The following PCDHA3 variants were observed in gnomAD, a reference collection of about 807,000 sequenced individuals.
The protein encoded by PCDHA3 is protocadherin alpha 3.
Under a neutral mutation model 62.2 loss-of-function variants are expected in PCDHA3, and 41 were observed. That is an observed-to-expected ratio of 0.66 (90% CI 0.51 to 0.86). PCDHA3 has a LOEUF of 0.86. PCDHA3 is among the 40% of genes least tolerant of loss of function. PCDHA3 has a pLI of 0.00. For missense variants in PCDHA3, 1,304 were observed against 1,241.2 expected (o/e 1.05, Z -0.76); for synonymous variants, 640 against 555.4 (o/e 1.15, Z -2.14).
chr5:140,841,165 C>A (rs1343151176), intron 1 of PCDHA3: 4 of 935,830 alleles, frequency 4.3e-6, no homozygotes, highest in Admixed American at 2.9e-5. Context: ...CCAAGAAGTT[C>A]TGGTTGGTCA....
At chr5:140,877,498 C>G in intron 1 of PCDHA3, 1 of 1,613,844 alleles carries the variant, frequency 6.2e-7, no homozygotes, top group Non-Finnish European at 8.5e-7. Context: ...CGGCCAGGCC[C>G]CAAAGACGTC....
chr5:140,881,319 T>C lies in PCDHA3; in HGVS notation c.2394+77728T>C, dbSNP rs183772489. Reference sequence around the variant, plus strand: ...AAACTTTAACCTCCTGGTTAAATTCTATTTAACCAGGACGCCGATTCGGGC... The same window carrying C: ...AAACTTTAACCTCCTGGTTAAATTCCATTTAACCAGGACGCCGATTCGGGC... On this transcript the variant is annotated intron_variant, in intron 1 of 3. Transcript: ENST00000522353. 1.0e-4 allele frequency: 101 copies of C among 979,186 alleles called. No individual in the cohort carries two copies. The African/African-American group carries it at 1.7e-3, about 17-fold the overall frequency. 60.7% of individuals were successfully genotyped at this position (979,186 alleles called of 1,614,324 possible).
chr5:140,883,119 C>T, intron 1 of PCDHA3: 1 of 1,613,998 alleles, frequency 6.2e-7, no homozygotes, highest in Non-Finnish European at 8.5e-7. Context: ...TTTAGAAGGC[C>T]TGTATGGCCT....
intron 1 of PCDHA3, among the ~76,000 whole-genome samples, chr5:140,900,333 C>T (rs10071692): frequency 3.3e-5 from 5 of 151,856 alleles, no homozygotes; most frequent in Admixed American, 6.6e-5. Flanking sequence ...GCTGGAGTAC[C>T]GTGGCGCAAT....
At chr5:140,824,487 C>T in intron 1 of PCDHA3, 1 of 356,814 alleles carries the variant, frequency 2.8e-6, no homozygotes, top group Non-Finnish European at 5.1e-6. Flanking sequence ...TTTTTAGAGA[C>T]CCTTTGTTGC....
chr5:140,803,368 C>G lies in PCDHA3; in HGVS notation c.2171C>G (p.Ser724Cys). ...CTGCTATATACTGCTCTGCGGTGCTCCGCGCCGCCAACCGAAGGCGACTGT... is the reference window on the plus strand; with the variant it reads ...CTGCTATATACTGCTCTGCGGTGCTGCGCGCCGCCAACCGAAGGCGACTGT... ...TLLLYTALRC[S>C]APPTEGDCGP... Residue 724 changes from serine to cysteine, a missense_variant, in exon 1 of 4, where the codon TCC becomes TGC. Ser to Cys is a moderately radical substitution (Grantham distance 112). Transcript: ENST00000522353. 6.2e-7 allele frequency: 1 copy of G among 1,614,196 alleles called. No homozygotes were observed. The highest frequency in any genetic ancestry group is 8.5e-7 in the Non-Finnish European group (1 of 1,180,020).
At chr5:140,882,749 G>C (rs1393099675) in intron 1 of PCDHA3, 1 of 1,614,126 alleles carries the variant, frequency 6.2e-7, no homozygotes, top group Non-Finnish European at 8.5e-7. Flanking sequence ...ATCCGATGCA[G>C]ATATTGGAGT....
chr5:140,828,613 T>C (rs2150157360), intron 1 of PCDHA3: 18 of 1,614,128 alleles, frequency 1.1e-5, no homozygotes, highest in Admixed American at 1.7e-5. Context: ...AACTCAGTTC[T>C]AGCGAATACT....
chr5:140,863,075 C>T (rs546237964), intron 1 of PCDHA3: 87 of 569,532 alleles, frequency 1.5e-4, no homozygotes, highest in South Asian at 9.6e-4. Flanking sequence ...GGGCTCTGCA[C>T]GGGCGAGATC....
intron 1 of PCDHA3, among the ~76,000 whole-genome samples, chr5:140,962,132 C>A (rs1018234897): frequency 3.3e-5 from 5 of 152,104 alleles, no homozygotes; most frequent in Admixed American, 3.3e-4. Flanking sequence ...GCCTCGGCCT[C>A]CCAAAGTGCT....
chr5:140,999,987 G>T (rs1033618024), intron 3 of PCDHA3, among the ~76,000 whole-genome samples: 6 of 152,042 alleles, frequency 3.9e-5, no homozygotes, highest in Non-Finnish European at 7.4e-5. Context: ...CGGCCTCTGG[G>T]TAGTGGTATT....
intron 1 of PCDHA3, chr5:140,928,054 A>T (rs2084892451): frequency 1.2e-6 from 2 of 1,613,994 alleles, no homozygotes; most frequent in Non-Finnish European, 1.7e-6. Flanking sequence ...TTTTCAGCTG[A>T]CGGCTTCCTT....
chr5:141,010,462 T>A lies in PCDHA3; in HGVS notation c.*525T>A. On this transcript the variant is annotated 3_prime_UTR_variant, in exon 4 of 4. Transcript: ENST00000522353. ...ACAAATAAACAGCGGAAGTTATCAGTATGGAGGGGAAGTGTAAACTTAAAG... is the reference window on the plus strand; with the variant it reads ...ACAAATAAACAGCGGAAGTTATCAGAATGGAGGGGAAGTGTAAACTTAAAG... The A allele has an allele frequency of 2.4e-6, 2 of 822,568 alleles. No individual in the cohort carries two copies. Among genetic ancestry groups the A allele is most frequent in the Non-Finnish European group, 3.6e-6 (2 of 552,664 alleles). The allele number at this position is 822,568 out of a possible 1,614,324, so 51.0% of individuals were successfully genotyped here.
intron 1 of PCDHA3, among the ~76,000 whole-genome samples, chr5:140,916,601 G>A (rs2077638535): frequency 6.6e-6 from 1 of 152,188 alleles, no homozygotes. Flanking sequence ...GGCCTGGAAT[G>A]CGGGCCTCAT....
chr5:140,842,004 T>C, intron 1 of PCDHA3: 11 of 1,613,808 alleles, frequency 6.8e-6, no homozygotes, highest in Non-Finnish European at 8.5e-6. Flanking sequence ...ACTGTTCAGC[T>C]GCTGGTCACA....
chr5:140,997,124 C>T (rs933067358), intron 3 of PCDHA3, among the ~76,000 whole-genome samples: 2 of 152,074 alleles, frequency 1.3e-5, no homozygotes, highest in Non-Finnish European at 2.9e-5. Context: ...CCCACATACA[C>T]AATGCCCCCA....
At chr5:140,857,963 A>G (rs630162) in intron 1 of PCDHA3, 997,914 of 1,595,004 alleles carry the variant, frequency 0.63, 344,648 homozygotes, top group African/African-American at 0.69. Context: ...TCTGGATGAG[A>G]CTGACTCGCC....
intron 1 of PCDHA3, among the ~76,000 whole-genome samples, chr5:140,903,731 T>C (rs1554191096): frequency 6.6e-6 from 1 of 152,238 alleles, no homozygotes; most frequent in South Asian, 2.1e-4. Context: ...CTATTATCAA[T>C]TATTACAGAA....
chr5:140,912,113 A>C (rs1477558453), intron 1 of PCDHA3, among the ~76,000 whole-genome samples: 3 of 152,182 alleles, frequency 2.0e-5, no homozygotes, highest in African/African-American at 7.2e-5. Flanking sequence ...GTAGGCTGGG[A>C]GGCTAAGTCA....
Sources: allele counts gnomAD v4.1 joint callset (sites outside exome capture counted in the v4.1 genomes callset), GRCh38; gene constraint gnomAD v4.1.1; transcripts MANE v1.5; gene names NCBI Gene and HGNC (gene_info 2026-07-23, HGNC 2026-07-21).